The following CCR3 variants were observed in gnomAD, a reference collection of about 807,000 sequenced individuals.
The protein encoded by CCR3 is C-C chemokine receptor type 3.
For synonymous variants in CCR3, 203 were observed against 179.2 expected, an observed-to-expected ratio of 1.13 and a Z score of -1.06; for missense variants, 419 against 437.5, an observed-to-expected ratio of 0.96 and a Z score of 0.38.
chr3:46,214,049 C>T (rs1215427543), intron 2 of CCR3, among the ~76,000 whole-genome samples: 3 of 152,236 alleles, frequency 2.0e-5, no homozygotes, highest in Non-Finnish European at 4.4e-5. Flanking sequence ...CACACAACCA[C>T]AGTGACTAGG....
At chr3:46,230,796 G>A (rs943738949) in intron 2 of CCR3, among the ~76,000 whole-genome samples, 3 of 152,212 alleles carry the variant, frequency 2.0e-5, no homozygotes, top group East Asian at 1.9e-4. Context: ...GTTAAGGACC[G>A]AGGCACTTTT....
intron 1 of CCR3, among the ~76,000 whole-genome samples, chr3:46,254,936 T>A (rs904344488): frequency 2.6e-5 from 4 of 152,180 alleles, no homozygotes; most frequent in African/African-American, 9.7e-5. Flanking sequence ...GATTGATGGA[T>A]CAAATGATAG....
chr3:46,252,781 T>C (rs1700341491), intron 1 of CCR3, among the ~76,000 whole-genome samples: 1 of 152,198 alleles, frequency 6.6e-6, no homozygotes, highest in South Asian at 2.1e-4. Flanking sequence ...TACCATTAAA[T>C]TGGCTCTTGT....
intron 1 of CCR3, among the ~76,000 whole-genome samples, chr3:46,257,653 C>T (rs1443787617): frequency 6.6e-6 from 1 of 152,054 alleles, no homozygotes; most frequent in Non-Finnish European, 1.5e-5. Context: ...TACTCAGCTT[C>T]CTCAATACCA....
upstream of CCR3, among the ~76,000 whole-genome samples, chr3:46,240,443 T>C (rs1239596035): frequency 6.6e-6 from 1 of 152,150 alleles, no homozygotes; most frequent in Non-Finnish European, 1.5e-5. Context: ...TCCTTTTTCC[T>C]GGAAACTCTC....
intron 1 of CCR3, among the ~76,000 whole-genome samples, chr3:46,258,417 G>T (rs1700466692): frequency 6.6e-6 from 1 of 152,154 alleles, no homozygotes; most frequent in Admixed American, 6.5e-5. Context: ...TAGTCTTTTA[G>T]GATTGTGATT....
intron 2 of CCR3, among the ~76,000 whole-genome samples, chr3:46,212,720 C>T (rs1368116318): frequency 1.3e-5 from 2 of 152,170 alleles, no homozygotes; most frequent in African/African-American, 2.4e-5. Context: ...TCTCCCTACT[C>T]TCTGTCCTGC....
rs200901060 is a variant in CCR3, at chr3:46,242,542, G to A, written c.-12+4G>A. Reference sequence around the variant, plus strand: ...TTTACTTAGAAGAGATTTTCAGGTAGGTGTCGCTTTTCCAGGAAAAGGGAG... The same window carrying A: ...TTTACTTAGAAGAGATTTTCAGGTAAGTGTCGCTTTTCCAGGAAAAGGGAG... On this transcript the variant is annotated splice_donor_region_variant and intron_variant, in intron 1 of 1. Transcript: ENST00000395940. The A allele has an allele frequency of 5.3e-5, 8 of 151,948 alleles. No homozygotes were observed. The highest frequency in any genetic ancestry group is 3.9e-4 in the Admixed American group (6 of 15,236). 9.4% of individuals were successfully genotyped at this position (151,948 alleles called of 1,614,324 possible).
Position 46,249,439 on chromosome 3 carries a change from A to C in CCR3, c.-12+6901A>C, listed in dbSNP as rs558838308. On this transcript the variant is annotated intron_variant, in intron 1 of 1. Coordinates refer to ENST00000395940, the MANE Select transcript of CCR3 (RefSeq NM_178329.3). ...GCAAGGGAAACAGGCTCTTGAAAAGAAGGTAATGTGGAGTGGGTAGCCTCT... is the reference window on the plus strand; with the variant it reads ...GCAAGGGAAACAGGCTCTTGAAAAGCAGGTAATGTGGAGTGGGTAGCCTCT... Among the ~76,000 whole-genome samples the C allele has an allele frequency of 5.3e-5, 8 of 152,242 alleles. No individual in the cohort carries two copies. The East Asian group carries it at 1.2e-3, about 22-fold the overall frequency.
chr3:46,211,696 T>C (rs1699716572), intron 2 of CCR3, among the ~76,000 whole-genome samples: 1 of 152,130 alleles, frequency 6.6e-6, no homozygotes, highest in Admixed American at 6.5e-5. Context: ...GGAACAACAG[T>C]ATCAGATTCT....
chr3:46,236,280 T>C (rs1458839157), intron 2 of CCR3, among the ~76,000 whole-genome samples: 1 of 152,174 alleles, frequency 6.6e-6, no homozygotes, highest in Non-Finnish European at 1.5e-5. Flanking sequence ...ATCTCTGACC[T>C]TGTGCCCCTC....
rs1442989024 is a variant in CCR3, at chr3:46,265,303, C to T, written c.145C>T (p.Leu49Phe). 6.2e-7 allele frequency: 1 copy of T among 1,614,026 alleles called. No homozygotes were observed. The highest frequency in any genetic ancestry group is 8.5e-7 in the Non-Finnish European group (1 of 1,179,986). ...GTACTCCCTGGTGTTCACTGTGGGC[C>T]TCTTGGGCAATGTGGTGGTGGTGAT... ...PLYSLVFTVG[L>F]LGNVVVVMIL... The change falls in exon 2 of 2, where the codon CTC becomes TTC. Residue 49 changes from leucine (L) to phenylalanine (F), a missense_variant. Coordinates refer to ENST00000395940, the MANE Select transcript of CCR3 (RefSeq NM_178329.3).
intron 1 of CCR3, among the ~76,000 whole-genome samples, chr3:46,253,273 A>C (rs1249533852): frequency 1.3e-5 from 2 of 152,096 alleles, no homozygotes; most frequent in Non-Finnish European, 2.9e-5. Context: ...TTGCTGGATA[A>C]TTCTACTCAA....
At chr3:46,215,677 A>G (rs1699766161) in intron 2 of CCR3, among the ~76,000 whole-genome samples, 1 of 152,208 alleles carries the variant, frequency 6.6e-6, no homozygotes, top group Non-Finnish European at 1.5e-5. Flanking sequence ...GAGATACACA[A>G]TGGAAGTTAG....
chr3:46,266,093 T>C lies in CCR3; in HGVS notation c.935T>C (p.Leu312Pro). 6.2e-7 allele frequency: 1 copy of C among 1,614,016 alleles called. No homozygotes were observed. The highest frequency in any genetic ancestry group is 8.5e-7 in the Non-Finnish European group (1 of 1,179,958). The change falls in exon 2 of 2, where the codon CTG (leucine) becomes CCG (proline). Residue 312 changes from leucine (L) to proline (P), a missense_variant. Transcript: ENST00000395940. Reference protein sequence around the residue: ...AFVGERFRKYLRHFFHRHLLM... With the variant: ...AFVGERFRKYPRHFFHRHLLM... ...GTTGGAGAGAGGTTCCGGAAGTACC[T>C]GCGCCACTTCTTCCACAGGCACTTG...
intron 2 of CCR3, among the ~76,000 whole-genome samples, chr3:46,225,343 A>G (rs113361960): frequency 0.015 from 2,324 of 152,308 alleles, 68 homozygotes; most frequent in African/African-American, 0.052. Flanking sequence ...GCATCTTACC[A>G]TCTCAATCTT....
chr3:46,244,313 G>C (rs1457562793), intron 1 of CCR3, among the ~76,000 whole-genome samples: 3 of 152,198 alleles, frequency 2.0e-5, no homozygotes, highest in Non-Finnish European at 4.4e-5. Context: ...AAGGAACTAG[G>C]TGAAAGGTAA....
At chr3:46,256,408 C>T (rs1700424827) in intron 1 of CCR3, among the ~76,000 whole-genome samples, 1 of 127,852 alleles carries the variant, frequency 7.8e-6, no homozygotes, top group Admixed American at 7.6e-5. Flanking sequence ...TCCAGAAAGA[C>T]TAAAATTTTA....
intron 2 of CCR3, among the ~76,000 whole-genome samples, chr3:46,234,551 C>T (rs772920767): frequency 2.0e-5 from 3 of 152,072 alleles, no homozygotes; most frequent in African/African-American, 4.8e-5. Context: ...ATAAATTAAG[C>T]CTCGTTTTAA....
Sources: allele counts gnomAD v4.1 joint callset (sites outside exome capture counted in the v4.1 genomes callset), GRCh38; gene constraint gnomAD v4.1.1; transcripts MANE v1.5; gene names NCBI Gene and HGNC (gene_info 2026-07-23, HGNC 2026-07-21).